Variants in SH3D19 observed in about 807,000 individuals in gnomAD.
SH3D19 encodes the protein SH3 domain containing 19, also known as SH3 domain-containing protein 19.
SH3D19 carries 58 observed loss-of-function variants against 112.1 expected under a neutral mutation model. The ratio of observed to expected loss-of-function variants is 0.52; its 90% confidence interval spans 0.42 to 0.64. The LOEUF (loss-of-function observed/expected upper bound fraction) is 0.64. SH3D19 is among the 30% of genes least tolerant of loss of function. The pLI is 0.00. For synonymous variants in SH3D19, 391 were observed against 448.5 expected (o/e 0.87, Z 1.62); for missense variants, 1,090 against 1,263.4 (o/e 0.86, Z 2.08).
At chr4:151,179,480 A>G (rs1760475530) in intron 3 of SH3D19, 83 bp from the exon 4 acceptor site, 2 of 717,844 alleles carry the variant, frequency 2.8e-6, no homozygotes, top group Non-Finnish European at 3.9e-6. Context: ...ACACAATTGG[A>G]AAAAGCTTAT....
intron 13 of SH3D19, among the ~76,000 whole-genome samples, chr4:151,138,317 T>G (rs1561211498): frequency 6.6e-6 from 1 of 152,180 alleles, no homozygotes; most frequent in Non-Finnish European, 1.5e-5. Flanking sequence ...AATCAGCCTA[T>G]CAAGTGGATA....
chr4:151,160,934 A>G (rs546359216), intron 8 of SH3D19, among the ~76,000 whole-genome samples: 10 of 152,292 alleles, frequency 6.6e-5, no homozygotes, highest in Non-Finnish European at 1.2e-4. Context: ...CACCATCTTG[A>G]AGATATTTTC....
At chr4:151,126,125 T>C (rs1749264899) in intron 19 of SH3D19, among the ~76,000 whole-genome samples, 1 of 152,146 alleles carries the variant, frequency 6.6e-6, no homozygotes, top group Non-Finnish European at 1.5e-5. Flanking sequence ...GGTCTTGCCA[T>C]GTTGACCAGG....
intron 1 of SH3D19, chr4:151,266,323 T>A (rs1041481309): frequency 5.3e-5 from 8 of 152,212 alleles, no homozygotes; most frequent in Non-Finnish European, 1.0e-4. Flanking sequence ...CTGAGTCTAA[T>A]GAATATAAAC....
At chr4:151,174,633 A>C (rs1759624238) in intron 7 of SH3D19, 37 bp downstream of exon 7, 4 of 1,485,686 alleles carry the variant, frequency 2.7e-6, no homozygotes, top group Non-Finnish European at 3.6e-6. Flanking sequence ...CCCTATCATG[A>C]GTTTAGATTC....
chr4:151,323,270 T>C (rs942006915), intron 1 of SH3D19, among the ~76,000 whole-genome samples: 5 of 152,126 alleles, frequency 3.3e-5, no homozygotes, highest in Admixed American at 3.3e-4. Context: ...CTTTAGATTG[T>C]AAAATGATAA....
rs1168528362 is a variant in SH3D19 at position 151,132,515 on chromosome 4, A to T, written c.2690-132T>A. On this transcript the variant is annotated intron_variant, in intron 16 of 19. Coordinates refer to ENST00000604030, the MANE Select transcript of SH3D19 (RefSeq NM_001378122.1). ...GGATTCCACTCCGGTCTCTTCATGT[A>T]TTGTCTATGTTGCGTTAACCTGTAC... 6.9e-6 allele frequency: 5 copies of T among 723,054 alleles called. No individual in the cohort carries two copies. In the African/African-American group the frequency reaches 8.9e-5, roughly 13 times the overall value. The allele number at this position is 723,054 out of a possible 1,614,324, so 44.8% of individuals were successfully genotyped here. A position where few individuals can be genotyped will look rare whatever the true frequency, so the allele number is the denominator to read the frequency against.
intron 2 of SH3D19, among the ~76,000 whole-genome samples, chr4:151,214,598 C>T (rs891685520): frequency 7.6e-6 from 1 of 130,944 alleles, no homozygotes; most frequent in Non-Finnish European, 1.7e-5. Context: ...TGACCCCCCA[C>T]CTCCCTCCCG....
At chr4:151,137,624 C>A in intron 14 of SH3D19, 108 bp downstream of exon 14, 1 of 843,250 alleles carries the variant, frequency 1.2e-6, no homozygotes, top group Non-Finnish European at 1.7e-6. Context: ...CCAAATGAAT[C>A]AATGAAAGAG....
chr4:151,277,273 A>G, intron 1 of SH3D19: 2 of 1,399,884 alleles, frequency 1.4e-6, no homozygotes, highest in East Asian at 2.5e-5. Flanking sequence ...GATTTTTACT[A>G]AAGAGGGCAT....
At chr4:151,192,692 A>G (rs1422538668) in intron 2 of SH3D19, among the ~76,000 whole-genome samples, 1 of 152,192 alleles carries the variant, frequency 6.6e-6, no homozygotes, top group African/African-American at 2.4e-5. Flanking sequence ...CAAGAGAACA[A>G]AACAAACCTA....
intron 1 of SH3D19, among the ~76,000 whole-genome samples, chr4:151,284,196 A>G (rs1774517739): frequency 6.6e-6 from 1 of 152,172 alleles, no homozygotes; most frequent in African/African-American, 2.4e-5. Context: ...CTCCCCTTCT[A>G]GATGAAACCA....
chr4:151,294,428 C>T (rs978406386), intron 1 of SH3D19, among the ~76,000 whole-genome samples: 1 of 152,204 alleles, frequency 6.6e-6, no homozygotes, highest in Admixed American at 6.5e-5. Context: ...GGCCATGCAA[C>T]TGCAAAAAAA....
At chr4:151,148,735 T>C (rs1754397750) in intron 10 of SH3D19, among the ~76,000 whole-genome samples, 1 of 152,146 alleles carries the variant, frequency 6.6e-6, no homozygotes, top group Non-Finnish European at 1.5e-5. Flanking sequence ...CTTTCCTTAA[T>C]CCCTACGATA....
intron 1 of SH3D19, among the ~76,000 whole-genome samples, chr4:151,237,182 C>CA (rs1285934944): frequency 6.6e-6 from 1 of 152,130 alleles, no homozygotes; most frequent in Non-Finnish European, 1.5e-5. Flanking sequence ...CAACTCTGGA[C>CA]ACGCCGCCTT....
intron 2 of SH3D19, among the ~76,000 whole-genome samples, chr4:151,218,303 G>A (rs1767457955): frequency 6.6e-6 from 1 of 151,764 alleles, no homozygotes; most frequent in Admixed American, 6.6e-5. Context: ...TCTTTAAAAA[G>A]AATTCACTCA....
At chr4:151,236,465 G>A (rs576839841) in intron 1 of SH3D19, among the ~76,000 whole-genome samples, 44 of 152,358 alleles carry the variant, frequency 2.9e-4, no homozygotes, top group South Asian at 1.0e-3. Flanking sequence ...GGTCGGGTGG[G>A]GACTTGGAGA....
chr4:151,275,991 C>T (rs534336376), intron 1 of SH3D19, among the ~76,000 whole-genome samples: 55 of 152,058 alleles, frequency 3.6e-4, no homozygotes, highest in African/African-American at 1.0e-3. Context: ...TACAGGTGCA[C>T]GCCACTACAC....
chr4:151,243,811 A>G (rs1280130185), intron 1 of SH3D19, among the ~76,000 whole-genome samples: 1 of 152,244 alleles, frequency 6.6e-6, no homozygotes, highest in Non-Finnish European at 1.5e-5. Context: ...ATTCTTGGAT[A>G]TAAGCTCAGA....
Sources: allele counts gnomAD v4.1 joint callset (sites outside exome capture counted in the v4.1 genomes callset), GRCh38; gene constraint gnomAD v4.1.1; transcripts MANE v1.5; gene names NCBI Gene and HGNC (gene_info 2026-07-23, HGNC 2026-07-21).